The following TMEM266 variants were observed in gnomAD, a reference collection of about 807,000 sequenced individuals.
TMEM266 encodes the protein Hv1 related protein 1.
Under a neutral mutation model 50.5 loss-of-function variants are expected in TMEM266, and 33 were observed. The observed-to-expected ratio is 0.65, with a 90% CI of 0.50 to 0.87. TMEM266 has a LOEUF of 0.87. TMEM266 is among the 40% of genes least tolerant of loss of function. TMEM266 has a pLI of 0.00. For missense variants in TMEM266, 655 were observed against 695.1 expected, an observed-to-expected ratio of 0.94 and a Z score of 0.65; for synonymous variants, 310 against 292.3, an observed-to-expected ratio of 1.06 and a Z score of -0.62.
intron 1 of TMEM266, among the ~76,000 whole-genome samples, chr15:76,126,451 C>G (rs1770177611): frequency 6.7e-6 from 1 of 150,290 alleles, no homozygotes; most frequent in Admixed American, 6.6e-5. Flanking sequence ...TTGCCACTTG[C>G]AACAAGATGG....
chr15:76,181,867 C>T (rs1405480251), intron 8 of TMEM266, among the ~76,000 whole-genome samples: 2 of 152,218 alleles, frequency 1.3e-5, no homozygotes, highest in African/African-American at 4.8e-5. Flanking sequence ...CTGAAGTCTC[C>T]GTTACACCCG....
chr15:76,114,026 T>A (rs952183116), intron 1 of TMEM266: 3 of 152,234 alleles, frequency 2.0e-5, no homozygotes, highest in African/African-American at 7.2e-5. Flanking sequence ...AAGCTGTCTC[T>A]TCTGCGTCTG....
intron 8 of TMEM266, among the ~76,000 whole-genome samples, chr15:76,185,916 C>T (rs541414467): frequency 1.3e-5 from 2 of 152,180 alleles, no homozygotes; most frequent in Non-Finnish European, 2.9e-5. Context: ...ATTGGACACA[C>T]AGTGAAACCA....
rs185057444 is a variant in TMEM266, at chr15:76,184,950, G to T, written c.769-7018G>T. Among the ~76,000 whole-genome samples the T allele has an allele frequency of 2.2e-3, 340 of 152,186 alleles. 1 individual carries two copies. Among genetic ancestry groups the T allele is most frequent in the African/African-American group, 7.9e-3 (329 of 41,524 alleles). On this transcript the variant is annotated intron_variant, in intron 8 of 10. Coordinates refer to ENST00000388942, the MANE Select transcript of TMEM266 (RefSeq NM_152335.3). Reference sequence around the variant, plus strand: ...AGGGATGGTCTTTTTTTCCCACCGGGCCCATTTGCCAATGGAAGATTTGCT... The same window carrying T: ...AGGGATGGTCTTTTTTTCCCACCGGTCCCATTTGCCAATGGAAGATTTGCT...
intron 5 of TMEM266, among the ~76,000 whole-genome samples, chr15:76,167,261 T>G (rs143945330): frequency 0.058 from 8,817 of 151,820 alleles, 600 homozygotes; most frequent in African/African-American, 0.17. Context: ...ATGAGGTCGG[T>G]AGATCGAGAC....
At chr15:76,067,904 T>G (rs1319446208) in intron 1 of TMEM266, among the ~76,000 whole-genome samples, 1 of 152,170 alleles carries the variant, frequency 6.6e-6, no homozygotes, top group Non-Finnish European at 1.5e-5. Context: ...GGGAATTATA[T>G]TTGACCTGCA....
intron 1 of TMEM266, among the ~76,000 whole-genome samples, chr15:76,087,641 A>G (rs2036794397): frequency 6.6e-6 from 1 of 152,096 alleles, no homozygotes; most frequent in African/African-American, 2.4e-5. Flanking sequence ...GAGAGAGTGT[A>G]TGGATTAAGC....
At chr15:76,202,410 G>A (rs2038763046) in intron 10 of TMEM266, 146 bp downstream of exon 10, 2 of 735,146 alleles carry the variant, frequency 2.7e-6, no homozygotes, top group Admixed American at 6.4e-5. Flanking sequence ...TAAAATATCG[G>A]AGCTTCAGCT....
intron 8 of TMEM266, chr15:76,176,442 C>G (rs545218492): frequency 6.5e-6 from 1 of 152,672 alleles, no homozygotes; most frequent in African/African-American, 2.4e-5. Flanking sequence ...AAGTGCAGCT[C>G]GGTGTGCAGG....
At chr15:76,120,902 C>T (rs1022504692) in intron 1 of TMEM266, among the ~76,000 whole-genome samples, 2 of 151,870 alleles carry the variant, frequency 1.3e-5, no homozygotes, top group African/African-American at 4.8e-5. Flanking sequence ...AAAACAGACT[C>T]CACTAAAACA....
chr15:76,189,728 A>G (rs567329140), intron 8 of TMEM266, among the ~76,000 whole-genome samples: 1 of 152,318 alleles, frequency 6.6e-6, no homozygotes, highest in East Asian at 1.9e-4. Context: ...GCAAGAGTCA[A>G]GGGGTTTGTC....
In TMEM266 at chr15:76,100,999, G is replaced by T. The variant is rs936444913; in HGVS notation, c.-96-33169G>T. Among the ~76,000 whole-genome samples, 81 of 144,336 alleles carry T rather than the reference G, an allele frequency of 5.6e-4. 2 individuals carry two copies. Among genetic ancestry groups the T allele is most frequent in the South Asian group, 3.3e-3 (15 of 4,540 alleles). The allele number at this position is 144,336 out of a possible 152,430, so 94.7% of individuals were successfully genotyped here. ...CAATATGTGTTCAATGCTTACCTTG[G>T]TTTTTTTTTTTTTCTATATTCTCTC... On this transcript the variant is annotated intron_variant, in intron 1 of 10. Transcript: ENST00000388942.
chr15:76,121,572 A>T (rs777982244), intron 1 of TMEM266, among the ~76,000 whole-genome samples: 2 of 152,092 alleles, frequency 1.3e-5, no homozygotes, highest in Non-Finnish European at 2.9e-5. Flanking sequence ...ACTCACCACC[A>T]TGCCCAGATA....
chr15:76,192,297 C>A, intron 9 of TMEM266, 140 bp downstream of exon 9: 2 of 798,316 alleles, frequency 2.5e-6, no homozygotes, highest in Non-Finnish European at 3.6e-6. Context: ...GATTGGGGGA[C>A]ACGCTCAGAT....
intron 3 of TMEM266, among the ~76,000 whole-genome samples, chr15:76,155,538 C>G (rs1174269601): frequency 4.6e-5 from 7 of 152,130 alleles, no homozygotes; most frequent in Non-Finnish European, 1.0e-4. Context: ...CTAGTCTTGC[C>G]AGATTCTCAC....
At chr15:76,200,539 T>C (rs1306617634) in intron 9 of TMEM266, among the ~76,000 whole-genome samples, 1 of 152,250 alleles carries the variant, frequency 6.6e-6, no homozygotes, top group Non-Finnish European at 1.5e-5. Flanking sequence ...AAGGTTTCGC[T>C]GCTCTGTGGA....
intron 3 of TMEM266, among the ~76,000 whole-genome samples, chr15:76,141,236 C>CTTT (rs34149031): frequency 3.6e-5 from 5 of 137,936 alleles, no homozygotes; most frequent in South Asian, 4.8e-4. Context: ...TCTCAGTATA[C>CTTT]TTTTTTTTTT....
Position 76,192,062 on chromosome 15 carries a change from G to A in TMEM266, c.863G>A (p.Ser288Asn), listed in dbSNP as rs2038583423. The change falls in exon 9 of 11, where the codon AGC becomes AAC. Residue 288 changes from serine to asparagine, a missense_variant. Physicochemically the swap from Ser to Asn is conservative, Grantham distance 46 (BLOSUM62 1). Coordinates refer to ENST00000388942, the MANE Select transcript of TMEM266 (RefSeq NM_152335.3). ...GCGCTCCAGGCCCCGCACGTGCTCA[G>A]CCAGCCGCGCAGCCGCTTCAAAGTG... 1.3e-6 allele frequency: 2 copies of A among 1,502,776 alleles called. No homozygotes were observed. Among genetic ancestry groups the A allele is most frequent in the Non-Finnish European group, 1.8e-6 (2 of 1,132,368 alleles). The allele number at this position is 1,502,776 out of a possible 1,614,324, so 93.1% of individuals were successfully genotyped here.
intron 1 of TMEM266, among the ~76,000 whole-genome samples, chr15:76,070,425 T>G (rs2036521974): frequency 6.6e-6 from 1 of 152,230 alleles, no homozygotes. Context: ...CTGTTTTGCT[T>G]TCTGGCCTCT....
Sources: gnomAD v4.1 joint callset for allele counts (sites outside exome capture counted in the v4.1 genomes callset) on GRCh38, gnomAD v4.1.1 for gene constraint, MANE v1.5 for transcripts, NCBI Gene and HGNC (gene_info 2026-07-23, HGNC 2026-07-21) for gene names.